Variants in RNF217 observed in about 807,000 individuals in gnomAD.
RNF217 encodes the protein E3 ubiquitin-protein ligase RNF217.
RNF217 carries 31 observed loss-of-function variants against 57.8 expected under a neutral mutation model. That is an observed-to-expected ratio of 0.54 (90% CI 0.40 to 0.72). The LOEUF (loss-of-function observed/expected upper bound fraction) is 0.72. Ranked by LOEUF, RNF217 falls within the 30% of genes least tolerant of loss-of-function variation. The probability of loss-of-function intolerance (pLI) is 0.00; values close to 1 mark genes in which losing one functional copy is unlikely to be tolerated. For synonymous variants in RNF217, 313 were observed against 294.0 expected (o/e 1.06, Z -0.66); for missense variants, 696 against 708.3 (o/e 0.98, Z 0.20).
rs1044534448 is a variant in RNF217 at position 124,962,915 on chromosome 6, A to T, written c.371A>T (p.Gln124Leu). The change falls in exon 1 of 6, where the codon CAG becomes CTG. Residue 124 changes from glutamine to leucine, a missense_variant. Physicochemically the swap from Gln to Leu is moderately radical, Grantham distance 113. Coordinates refer to ENST00000521654, the MANE Select transcript of RNF217 (RefSeq NM_001286398.3). The surrounding 1 kb of genome is among the most constrained non-coding windows in gnomAD (Gnocchi z 4.6). The part of the protein sequence containing the change: ...AGDRKEGGDE[Q>L]QEAPPGEELE... The stretch of plus-strand genomic sequence containing the variant: ...GATCGAAAAGAGGGAGGGGATGAAC[A>T]GCAGGAGGCGCCCCCCGGCGAAGAG... 7 of 1,598,058 alleles carry T rather than the reference A, an allele frequency of 4.4e-6. No individual in the cohort carries two copies. The highest frequency in any genetic ancestry group is 5.9e-6 in the Non-Finnish European group (7 of 1,179,646).
chr6:125,034,629 T>C (rs1446609134), intron 1 of RNF217, among the ~76,000 whole-genome samples: 7 of 152,186 alleles, frequency 4.6e-5, no homozygotes, highest in Non-Finnish European at 7.3e-5. Flanking sequence ...TCAGGTAGCG[T>C]GATGCCTCCA....
rs117240492 is a variant in RNF217 at position 124,976,986 on chromosome 6, C to T, written c.882+13560C>T. On this transcript the variant is annotated intron_variant, in intron 1 of 5. Transcript: ENST00000521654. The stretch of plus-strand genomic sequence containing the variant: ...ATAGTAATTTTTTCCTGATACTTTG[C>T]TCGTTTTTTTGTTTGTTCTCAAGAT... 3.9e-3 allele frequency among the ~76,000 whole-genome samples: 592 copies of T among 152,308 alleles called. 5 individuals carry two copies. The highest frequency in any genetic ancestry group is 6.9e-3 in the Non-Finnish European group (470 of 68,018).
chr6:125,049,253 A>G (rs751546727), intron 2 of RNF217, among the ~76,000 whole-genome samples: 2 of 151,980 alleles, frequency 1.3e-5, no homozygotes, highest in African/African-American at 2.4e-5. Context: ...CCCACACCCA[A>G]AGCTTTTCAC....
rs1217151419 is a variant in RNF217, at chr6:125,088,290, GT to G, written c.*5355del. The G allele has an allele frequency of 6.6e-6, 1 of 152,088 alleles. No homozygotes were observed. Among genetic ancestry groups the G allele is most frequent in the Non-Finnish European group, 1.5e-5 (1 of 67,990 alleles). 9.4% of individuals were successfully genotyped at this position (152,088 alleles called of 1,614,324 possible). A position where few individuals can be genotyped will look rare whatever the true frequency, so the allele number is the denominator to read the frequency against. On this transcript the variant is annotated 3_prime_UTR_variant, in exon 6 of 6. Transcript: ENST00000521654. ...GGGGAGTATTTTAAGATTGTGAAAT[GT>G]TACCTTTTGGATGCAAACCAATGAT...
rs540594873 is a variant in RNF217, at chr6:124,996,188, A to G, written c.882+32762A>G. Among the ~76,000 whole-genome samples, 9 of 152,262 alleles carry G rather than the reference A, an allele frequency of 5.9e-5. No homozygotes were observed. In the South Asian group the frequency reaches 1.7e-3, roughly 28 times the overall value. On this transcript the variant is annotated intron_variant, in intron 1 of 5. Transcript: ENST00000521654. ...CATAACCTCAACAGTACTTCATCGT[A>G]TATTTAAGTGTTTTGCCAGTCTGCA...
chr6:125,033,654 T>A (rs1018575769), intron 1 of RNF217, among the ~76,000 whole-genome samples: 1 of 151,104 alleles, frequency 6.6e-6, no homozygotes, highest in Admixed American at 6.6e-5. Flanking sequence ...GCAATAAACA[T>A]ATGTGTGCAT....
intron 1 of RNF217, among the ~76,000 whole-genome samples, chr6:125,040,542 CTA>C (rs894355829): frequency 3.9e-5 from 6 of 152,158 alleles, no homozygotes; most frequent in African/African-American, 1.4e-4. Context: ...CCTTCTGAAA[CTA>C]TTCCAAACAA....
chr6:125,081,212 T>C (rs1399385731), intron 4 of RNF217, among the ~76,000 whole-genome samples: 1 of 152,082 alleles, frequency 6.6e-6, no homozygotes, highest in East Asian at 1.9e-4. Flanking sequence ...GATAAGTGAT[T>C]TATGTTTGAT....
intron 1 of RNF217, among the ~76,000 whole-genome samples, chr6:124,995,934 G>T (rs1277681180): frequency 2.0e-5 from 3 of 151,696 alleles, no homozygotes; most frequent in African/African-American, 7.3e-5. Flanking sequence ...AAAAGAAAAA[G>T]AATCAAGAAA....
chr6:125,072,016 A>G (rs772437817), intron 3 of RNF217, among the ~76,000 whole-genome samples: 38 of 152,186 alleles, frequency 2.5e-4, no homozygotes, highest in Admixed American at 5.9e-4. Flanking sequence ...CTTTCTGTAA[A>G]TATAATTTAA....
chr6:125,036,960 G>C (rs1420148481), intron 1 of RNF217, among the ~76,000 whole-genome samples: 7 of 149,700 alleles, frequency 4.7e-5, no homozygotes, highest in Admixed American at 1.3e-4. Flanking sequence ...GGAGAAATAG[G>C]AATGCTTTTA....
At position 125,004,113 on chromosome 6, in the gene RNF217, G is replaced by A. The variant is rs185602686; in HGVS notation, c.882+40687G>A. Among the ~76,000 whole-genome samples, 180 of 152,150 alleles carry A rather than the reference G, an allele frequency of 1.2e-3. 1 individual carries two copies. Among genetic ancestry groups the A allele is most frequent in the African/African-American group, 4.2e-3 (173 of 41,504 alleles). ...TCAAATAAGGTTGCCTTTCTTAGAGGCAGCTTTGAAATAAAATCTAAAAGG... is the reference window on the plus strand; with the variant it reads ...TCAAATAAGGTTGCCTTTCTTAGAGACAGCTTTGAAATAAAATCTAAAAGG... On this transcript the variant is annotated intron_variant, in intron 1 of 5. Transcript: ENST00000521654.
At position 125,082,924 on chromosome 6, in the gene RNF217, G is replaced by C; in HGVS notation, c.1616G>C (p.Gly539Ala). 1.9e-6 allele frequency: 3 copies of C among 1,600,244 alleles called. No homozygotes were observed. Among genetic ancestry groups the C allele is most frequent in the Non-Finnish European group, 2.6e-6 (3 of 1,175,874 alleles). The change falls in exon 6 of 6, where the codon GGT becomes GCT. Residue 539 changes from glycine (G) to alanine (A), a missense_variant. Around this residue, in one of 2 missense-constraint regions of RNF217, gnomAD observed 231 missense variants for 321.4 expected, o/e 0.72. Transcript: ENST00000521654. Reference protein sequence around the residue: ...CKKQRKRSRTGMHW With the variant: ...CKKQRKRSRTAMHW The stretch of plus-strand genomic sequence containing the variant: ...AAACAGAGAAAACGATCACGGACAG[G>C]TATGCACTGGTAACATGCAGATGAT...
At chr6:125,057,054 T>C (rs1289191366) in intron 2 of RNF217, among the ~76,000 whole-genome samples, 1 of 152,242 alleles carries the variant, frequency 6.6e-6, no homozygotes, top group Non-Finnish European at 1.5e-5. Flanking sequence ...AATAATAGAA[T>C]GCTTTGCATT....
chr6:124,966,213 T>C (rs916756480), intron 1 of RNF217, among the ~76,000 whole-genome samples: 2 of 152,248 alleles, frequency 1.3e-5, no homozygotes. Context: ...TACAGGATTG[T>C]GGTTGTAATA....
chr6:125,052,284 T>G (rs112743330), intron 2 of RNF217, among the ~76,000 whole-genome samples: 1,619 of 143,228 alleles, frequency 0.011, 22 homozygotes, highest in African/African-American at 0.035. Flanking sequence ...GTCATGCGTT[T>G]TGTGTGTGTG....
At chr6:124,979,969 G>C (rs935009213) in intron 1 of RNF217, among the ~76,000 whole-genome samples, 1 of 152,134 alleles carries the variant, frequency 6.6e-6, no homozygotes, top group Admixed American at 6.5e-5. Context: ...GAAGTGCATT[G>C]TCTTTAGTAT....
At chr6:125,016,857 A>T (rs751345946) in intron 1 of RNF217, among the ~76,000 whole-genome samples, 2 of 152,138 alleles carry the variant, frequency 1.3e-5, no homozygotes, top group Non-Finnish European at 2.9e-5. Flanking sequence ...GGTGCAGCAA[A>T]CGGCCATGGC....
intron 1 of RNF217, 33 bp downstream of exon 1, chr6:124,963,459 A>G: frequency 7.0e-7 from 1 of 1,435,506 alleles, no homozygotes. Context: ...CCCATTTATC[A>G]TTCCAAATCA....
Sources: allele counts gnomAD v4.1 joint callset (sites outside exome capture counted in the v4.1 genomes callset), GRCh38; gene constraint gnomAD v4.1.1; regional missense constraint gnomAD v4.1.1; non-coding constraint Gnocchi (gnomAD v3.1); transcripts MANE v1.5; gene names NCBI Gene and HGNC (gene_info 2026-07-23, HGNC 2026-07-21).